Variants in HACD1 observed in about 807,000 individuals in gnomAD.
HACD1 encodes very-long-chain (3R)-3-hydroxyacyl-CoA dehydratase 1.
HACD1 carries 41 observed loss-of-function variants against 32.0 expected under a neutral mutation model. The ratio of observed to expected loss-of-function variants is 1.28; its 90% CI spans 1.00 to 1.66. The LOEUF (loss-of-function observed/expected upper bound fraction) is 1.66, where lower values mean the gene tolerates loss of function less well. HACD1 is among the 40% of genes most tolerant of loss of function. The pLI is 0.00. For missense variants in HACD1, 396 were observed against 380.1 expected, an observed-to-expected ratio of 1.04 and a Z score of -0.35; for synonymous variants, 142 against 139.0, an observed-to-expected ratio of 1.02 and a Z score of -0.15.
intron 1 of HACD1, among the ~76,000 whole-genome samples, chr10:17,607,999 T>C (rs1049328777): frequency 4.6e-5 from 7 of 152,260 alleles, no homozygotes; most frequent in Non-Finnish European, 8.8e-5. Flanking sequence ...CAAAAGCAAC[T>C]GGAATTTCTG....
At chr10:17,601,649 C>T (rs1470670227) in intron 4 of HACD1, among the ~76,000 whole-genome samples, 1 of 152,102 alleles carries the variant, frequency 6.6e-6, no homozygotes, top group Non-Finnish European at 1.5e-5. Context: ...TATTATATTC[C>T]CTCACTGCCT....
chr10:17,594,027 T>A (rs1833962749), intron 6 of HACD1, among the ~76,000 whole-genome samples, 178 bp downstream of exon 6: 1 of 152,250 alleles, frequency 6.6e-6, no homozygotes. Context: ...TAATGAACTG[T>A]CTTCTGCCTC....
In HACD1 at chr10:17,617,195, T is replaced by C; in HGVS notation, c.145A>G (p.Asn49Asp). The C allele has an allele frequency of 6.7e-7, 1 of 1,503,320 alleles. No homozygotes were observed. Among genetic ancestry groups the C allele is most frequent in the Non-Finnish European group, 8.8e-7 (1 of 1,131,310 alleles). The allele number at this position is 1,503,320 out of a possible 1,614,324, so 93.1% of individuals were successfully genotyped here. The change falls in exon 1 of 7, where the codon AAC (asparagine) becomes GAC (aspartate). Residue 49 changes from asparagine to aspartate, a missense_variant. Asn to Asp is a conservative substitution (Grantham distance 23, BLOSUM62 1). Transcript: ENST00000361271. ...TMASSDEDGT[N>D]GGASEAGEDR... is the part of the protein sequence containing the mutation. ...TCGCCGGCCTCCGAGGCGCCGCCGT[T>C]GGTGCCGTCCTCGTCGCTGGACGCC...
chr10:17,594,757 C>T (rs978767458), intron 5 of HACD1, among the ~76,000 whole-genome samples: 1 of 152,102 alleles, frequency 6.6e-6, no homozygotes, highest in Non-Finnish European at 1.5e-5. Flanking sequence ...CTGCAACCTC[C>T]ACCTCCTGGG....
intron 6 of HACD1, among the ~76,000 whole-genome samples, chr10:17,593,357 C>T (rs1273683839): frequency 3.3e-5 from 5 of 151,288 alleles, no homozygotes; most frequent in African/African-American, 1.2e-4. Context: ...CTCTTATTGC[C>T]CAGGCTGGAA....
intron 1 of HACD1, among the ~76,000 whole-genome samples, chr10:17,614,962 C>A (rs1833052561): frequency 6.6e-6 from 1 of 151,942 alleles, no homozygotes; most frequent in African/African-American, 2.4e-5. Context: ...CCGTGTTAGC[C>A]AAGATGTTCT....
intron 5 of HACD1, among the ~76,000 whole-genome samples, chr10:17,597,251 AT>A: frequency 6.6e-6 from 1 of 152,284 alleles, no homozygotes; most frequent in East Asian, 1.9e-4. Context: ...AGTTCAAGCA[AT>A]TCTCCTGCCT....
At chr10:17,615,965 CTAAA>C (rs1162214877) in intron 1 of HACD1, 1 of 280,668 alleles carries the variant, frequency 3.6e-6, no homozygotes, top group Non-Finnish European at 7.3e-6. Flanking sequence ...GAGTCTCCGT[CTAAA>C]AAATAAAATA....
chr10:17,609,262 T>C (rs1834194361), intron 1 of HACD1, among the ~76,000 whole-genome samples: 1 of 151,002 alleles, frequency 6.6e-6, no homozygotes, highest in South Asian at 2.1e-4. Context: ...CATACCATTC[T>C]CCTGCCTCAG....
chr10:17,590,611 A>C (rs1184619016), intron 6 of HACD1, among the ~76,000 whole-genome samples, 165 bp from the exon 7 acceptor site: 1 of 152,190 alleles, frequency 6.6e-6, no homozygotes, highest in Admixed American at 6.5e-5. Context: ...ATGGAAGCCC[A>C]CATACCACAT....
At chr10:17,616,354 G>A (rs999272099) in intron 1 of HACD1, among the ~76,000 whole-genome samples, 5 of 152,170 alleles carry the variant, frequency 3.3e-5, no homozygotes, top group Non-Finnish European at 4.4e-5. Context: ...AGTGATAATG[G>A]GAAAATAACT....
At chr10:17,609,801 T>G (rs7076429) in intron 1 of HACD1, among the ~76,000 whole-genome samples, 19,217 of 151,440 alleles carry the variant, frequency 0.13, 1,375 homozygotes, top group East Asian at 0.24. Flanking sequence ...GCCAACCTGG[T>G]GAAACCCCGT....
intron 4 of HACD1, 23 bp from the exon 5 acceptor site, chr10:17,599,434 A>G (rs977493209): frequency 7.5e-6 from 12 of 1,607,826 alleles, no homozygotes; most frequent in Middle Eastern, 3.3e-4. Flanking sequence ...AGAGAAACCC[A>G]GTGTCATTCA....
At chr10:17,606,204 G>T (rs1229769686) in intron 1 of HACD1, among the ~76,000 whole-genome samples, 1 of 151,912 alleles carries the variant, frequency 6.6e-6, no homozygotes, top group African/African-American at 2.4e-5. Flanking sequence ...AAAAAAGAAA[G>T]AAAAAAATAC....
At chr10:17,601,735 G>A in intron 4 of HACD1, among the ~76,000 whole-genome samples, 1 of 152,148 alleles carries the variant, frequency 6.6e-6, no homozygotes, top group East Asian at 1.9e-4. Flanking sequence ...TTAATAGTTT[G>A]CCTCTCCCAT....
chr10:17,615,276 G>C (rs576800937), intron 1 of HACD1, among the ~76,000 whole-genome samples: 1 of 152,334 alleles, frequency 6.6e-6, no homozygotes, highest in Non-Finnish European at 1.5e-5. Flanking sequence ...TGCTGGCTGT[G>C]ATCTTGGGCA....
chr10:17,612,300 A>T (rs1832996245), intron 1 of HACD1, among the ~76,000 whole-genome samples: 1 of 152,234 alleles, frequency 6.6e-6, no homozygotes, highest in Non-Finnish European at 1.5e-5. Context: ...GTCAAAAAGT[A>T]TAATTATGAA....
At chr10:17,608,017 G>A (rs1304925354) in intron 1 of HACD1, among the ~76,000 whole-genome samples, 5 of 152,006 alleles carry the variant, frequency 3.3e-5, no homozygotes, top group South Asian at 2.1e-4. Flanking sequence ...CTGCAATTAG[G>A]ATTTTTTTTT....
chr10:17,598,520 C>T (rs1834025505), intron 5 of HACD1, among the ~76,000 whole-genome samples: 1 of 152,116 alleles, frequency 6.6e-6, no homozygotes, highest in Admixed American at 6.6e-5. Context: ...TTGTCTTCAT[C>T]ATAAGACAGA....
Sources: gnomAD v4.1 joint callset for allele counts (sites outside exome capture counted in the v4.1 genomes callset) on GRCh38, gnomAD v4.1.1 for gene constraint, MANE v1.5 for transcripts, NCBI Gene and HGNC (gene_info 2026-07-23, HGNC 2026-07-21) for gene names.